The following SLC3A2 variants were observed in gnomAD, a reference collection of about 807,000 sequenced individuals.
The protein encoded by SLC3A2 is solute carrier family 3 member 2, also known as amino acid transporter heavy chain SLC3A2.
SLC3A2 carries 32 observed loss-of-function variants against 48.5 expected under a neutral mutation model. The observed-to-expected ratio is 0.66, with a 90% CI of 0.50 to 0.89. The LOEUF (loss-of-function observed/expected upper bound fraction) is 0.89, where lower values mean the gene tolerates loss of function less well. Among genes scored for constraint, SLC3A2 ranks in the 40% least tolerant of loss-of-function variants. SLC3A2 has a pLI of 0.00. For missense variants in SLC3A2, 587 were observed against 680.7 expected (o/e 0.86, Z 1.53); for synonymous variants, 277 against 288.8 (o/e 0.96, Z 0.41).
chr11:62,858,944 G>A (rs1340720371), intron 1 of SLC3A2, among the ~76,000 whole-genome samples: 1 of 152,146 alleles, frequency 6.6e-6, no homozygotes, highest in Non-Finnish European at 1.5e-5. Flanking sequence ...ACGTACAATC[G>A]GGTTTTATAC....
At chr11:62,878,632 AT>A (rs1048433687), upstream of SLC3A2, among the ~76,000 whole-genome samples, 1,297 of 112,976 alleles carry the variant, frequency 0.011, 5 homozygotes, top group African/African-American at 0.02. Flanking sequence ...CGCCTGGCTG[AT>A]TTTTTTTTTT....
chr11:62,879,552 G>T (rs1293443026), upstream of SLC3A2, among the ~76,000 whole-genome samples: 6 of 152,240 alleles, frequency 3.9e-5, no homozygotes, highest in East Asian at 1.2e-3. Context: ...GGGCTGCCCC[G>T]TGCACCCCTT....
chr11:62,876,794 G>T, upstream of SLC3A2: 1 of 447,720 alleles, frequency 2.2e-6, no homozygotes, highest in South Asian at 2.6e-5. Context: ...TAGAAACGGG[G>T]TTTCACCATG....
At chr11:62,871,161 C>T (rs778732068) in intron 1 of SLC3A2, among the ~76,000 whole-genome samples, 58 of 151,248 alleles carry the variant, frequency 3.8e-4, no homozygotes, top group Admixed American at 9.3e-4. Context: ...GGATTACAGG[C>T]GTGAGCCATT....
chr11:62,858,545 T>C (rs1296284005), intron 1 of SLC3A2, among the ~76,000 whole-genome samples: 1 of 151,974 alleles, frequency 6.6e-6, no homozygotes, highest in Non-Finnish European at 1.5e-5. Context: ...CCTCCACACC[T>C]GTGGATGTTT....
At chr11:62,866,120 C>CTT (rs35988334) in intron 1 of SLC3A2, among the ~76,000 whole-genome samples, 12 of 142,426 alleles carry the variant, frequency 8.4e-5, no homozygotes, top group Admixed American at 1.4e-4. Flanking sequence ...TTTTCAGCCA[C>CTT]TTTTTTTTTT....
Position 62,881,833 on chromosome 11 carries a change from G to T in SLC3A2, c.425-60G>T. Reference sequence around the variant, plus strand: ...ACCCTTAGGCGCTGGGAGAAGGGAGGGTGGGGAGGTCAGGGGCCTCTCAGA... The same window carrying T: ...ACCCTTAGGCGCTGGGAGAAGGGAGTGTGGGGAGGTCAGGGGCCTCTCAGA... On this transcript the variant is annotated intron_variant, in intron 1 of 8. Transcript: ENST00000338663. This position sits in a 1 kb window ranked among gnomAD's most constrained non-coding sequence, Gnocchi z 4.0. The T allele has an allele frequency of 6.3e-7, 1 of 1,576,818 alleles. No individual in the cohort carries two copies. The highest frequency in any genetic ancestry group is 1.1e-5 in the South Asian group (1 of 88,814).
upstream of SLC3A2, among the ~76,000 whole-genome samples, chr11:62,879,717 A>G (rs969095713): frequency 1.3e-5 from 2 of 152,352 alleles, no homozygotes; most frequent in Admixed American, 1.3e-4. Context: ...GAAAGGGAGA[A>G]AGAACCGATT....
intron 1 of SLC3A2, among the ~76,000 whole-genome samples, chr11:62,871,341 C>A (rs1293663355): frequency 6.7e-6 from 1 of 148,906 alleles, no homozygotes; most frequent in South Asian, 2.1e-4. Flanking sequence ...CAGGTTCAAG[C>A]AATTCTCCTG....
intron 1 of SLC3A2, among the ~76,000 whole-genome samples, chr11:62,871,030 G>A (rs748917705): frequency 4.7e-5 from 7 of 149,912 alleles, no homozygotes; most frequent in African/African-American, 1.7e-4. Context: ...GACTACAGGC[G>A]CCCGCCACCA....
intron 1 of SLC3A2, among the ~76,000 whole-genome samples, chr11:62,875,768 C>T (rs573455200): frequency 4.6e-5 from 7 of 151,998 alleles, no homozygotes; most frequent in Non-Finnish European, 8.8e-5. Context: ...GGTTTCACCA[C>T]GTTGGCCAGG....
At position 62,872,370 on chromosome 11, in the gene SLC3A2, C is replaced by T. The variant is rs149895994; in HGVS notation, c.113-8649C>T. ...CTCTACCAAAAAATACAAAAATTAG[C>T]CAGGCATGGTTGCATGCTCCTGTAA... is the stretch of plus-strand genomic sequence containing the variant. On this transcript the variant is annotated intron_variant, in intron 1 of 9. Transcript: ENST00000377889. Among the ~76,000 whole-genome samples the T allele has an allele frequency of 5.5e-3, 838 of 152,274 alleles. 5 individuals carry two copies. Among genetic ancestry groups the T allele is most frequent in the Admixed American group, 6.9e-3 (106 of 15,278 alleles).
At chr11:62,863,229 T>C (rs1465964761) in intron 1 of SLC3A2, among the ~76,000 whole-genome samples, 1 of 151,998 alleles carries the variant, frequency 6.6e-6, no homozygotes, top group Non-Finnish European at 1.5e-5. Flanking sequence ...CCTCAATTTC[T>C]TTTCTTTTTG....
At chr11:62,873,324 C>T (rs768920449) in intron 1 of SLC3A2, among the ~76,000 whole-genome samples, 1 of 151,900 alleles carries the variant, frequency 6.6e-6, no homozygotes, top group Non-Finnish European at 1.5e-5. Flanking sequence ...CCCGTCTCTA[C>T]TAAAAATACA....
chr11:62,865,869 G>A (rs776549512), intron 1 of SLC3A2, among the ~76,000 whole-genome samples: 5 of 152,008 alleles, frequency 3.3e-5, no homozygotes, highest in Non-Finnish European at 7.4e-5. Context: ...CCTCTGTTAC[G>A]TGTTGGGAGA....
rs769284898 is a variant in SLC3A2 at position 62,881,407 on chromosome 11, C to T, written c.384C>T (p.Asp128=). Residue 128 remains aspartate (D), a synonymous_variant, in exon 1 of 9, where the codon GAC becomes GAT. Coordinates refer to ENST00000338663, the MANE Select transcript of SLC3A2 (RefSeq NM_001013251.3). The surrounding 1 kb of genome is among the most constrained non-coding windows in gnomAD (Gnocchi z 4.0). The part of the protein sequence containing the change: ...WHTGALYRIG[D]LQAFQGHGAG... ...CGGGCGCCCTCTACCGCATCGGCGA[C>T]CTTCAGGCCTTCCAGGGCCACGGCG... The T allele has an allele frequency of 6.7e-5, 107 of 1,593,498 alleles. No homozygotes were observed. Among genetic ancestry groups the T allele is most frequent in the Non-Finnish European group, 8.6e-5 (101 of 1,177,160 alleles).
intron 1 of SLC3A2, among the ~76,000 whole-genome samples, chr11:62,858,274 G>A (rs2085360102): frequency 6.6e-6 from 1 of 152,194 alleles, no homozygotes. Context: ...AATGAACTGA[G>A]TTGGGACTCT....
At chr11:62,860,578 G>A (rs1380240542) in intron 1 of SLC3A2, among the ~76,000 whole-genome samples, 2 of 152,126 alleles carry the variant, frequency 1.3e-5, no homozygotes, top group Non-Finnish European at 2.9e-5. Context: ...CCATTCCCAG[G>A]GACTAGCAGG....
chr11:62,868,901 A>T (rs1357836287), intron 1 of SLC3A2, among the ~76,000 whole-genome samples: 2 of 151,018 alleles, frequency 1.3e-5, no homozygotes, highest in African/African-American at 2.4e-5. Context: ...AATTTTGTGA[A>T]TTGGCTTTTT....
Sources: allele counts gnomAD v4.1 joint callset (sites outside exome capture counted in the v4.1 genomes callset), GRCh38; gene constraint gnomAD v4.1.1; non-coding constraint Gnocchi (gnomAD v3.1); transcripts MANE v1.5; gene names NCBI Gene and HGNC (gene_info 2026-07-23, HGNC 2026-07-21).